The following GPATCH8 variants were observed in gnomAD, a reference collection of about 807,000 sequenced individuals.
GPATCH8 encodes G patch domain-containing protein 8.
In GPATCH8, 18 loss-of-function variants were observed where a neutral mutation model predicts 118.3. The observed-to-expected ratio is 0.15, with a 90% CI of 0.11 to 0.23. The LOEUF is 0.23. Among genes scored for constraint, GPATCH8 ranks in the 10% least tolerant of loss-of-function variants. The pLI is 1.00. For missense variants in GPATCH8, 1,631 were observed against 1,873.8 expected (o/e 0.87, Z 2.39); for synonymous variants, 659 against 684.7 (o/e 0.96, Z 0.59).
chr17:44,493,376 T>C (rs150475304), intron 1 of GPATCH8, among the ~76,000 whole-genome samples: 9 of 152,256 alleles, frequency 5.9e-5, no homozygotes, highest in Admixed American at 4.6e-4. Flanking sequence ...TGGTTTTTAA[T>C]ACTGAGATGT....
chr17:44,457,082 T>TG lies in GPATCH8; in HGVS notation c.193+7389dup, dbSNP rs2051363244. On this transcript the variant is annotated intron_variant, in intron 3 of 7. Transcript: ENST00000591680. Reference sequence around the variant, plus strand: ...TTCACCATGTTGGCCAGGCTGGTCTTGAACTCCTGACCTCAGGTGATCTGC... The same window carrying TG: ...TTCACCATGTTGGCCAGGCTGGTCTTGGAACTCCTGACCTCAGGTGATCTGC... Among the ~76,000 whole-genome samples, 3 of 152,134 alleles carry TG rather than the reference T, an allele frequency of 2.0e-5. No individual in the cohort carries two copies. In the South Asian group the frequency reaches 6.2e-4, roughly 32 times the overall value.
chr17:44,399,821 A>G lies in GPATCH8; in HGVS notation c.2256T>C (p.Asp752=), dbSNP rs3744426. The G allele has an allele frequency of 1.8e-3, 2,964 of 1,611,948 alleles. 44 individuals are homozygous for G. The East Asian group carries it at 0.042, about 23-fold the overall frequency. The part of the protein sequence containing the change: ...APPRRRRRAQ[D]DSQRRSLPAE... The stretch of plus-strand genomic sequence containing the variant: ...CTGGGAGGGATCTCCGCTGGGAGTC[A>G]TCTTGAGCTCTCCGCCTTCTTCTTG... Residue 752 remains aspartate (D), a synonymous_variant, in exon 8 of 8, where the codon GAT becomes GAC. Transcript: ENST00000591680.
At chr17:44,491,444 C>T (rs979502833) in intron 1 of GPATCH8, among the ~76,000 whole-genome samples, 5 of 147,664 alleles carry the variant, frequency 3.4e-5, no homozygotes, top group African/African-American at 5.0e-5. Context: ...GCCGAGATTG[C>T]GCCACTGCAC....
intron 6 of GPATCH8, among the ~76,000 whole-genome samples, chr17:44,410,988 C>A (rs545676668): frequency 6.6e-6 from 1 of 152,294 alleles, no homozygotes; most frequent in South Asian, 2.1e-4. Context: ...TTACTGTGGA[C>A]ACAAAGTATT....
chr17:44,451,511 T>C (rs1000904100), intron 3 of GPATCH8, among the ~76,000 whole-genome samples: 4 of 152,192 alleles, frequency 2.6e-5, no homozygotes, highest in African/African-American at 7.2e-5. Flanking sequence ...TACAGTCTAC[T>C]GAATTAGGTA....
rs187567430 is a variant in GPATCH8 at position 44,396,055 on chromosome 17, T to C, written c.*1513A>G. 6.1e-4 allele frequency: 277 copies of C among 454,570 alleles called. 1 individual carries two copies. Among genetic ancestry groups the C allele is most frequent in the African/African-American group, 5.0e-3 (250 of 50,118 alleles). 28.2% of individuals were successfully genotyped at this position (454,570 alleles called of 1,614,324 possible). On this transcript the variant is annotated 3_prime_UTR_variant, in exon 8 of 8. Coordinates refer to ENST00000591680, the MANE Select transcript of GPATCH8 (RefSeq NM_001002909.4). ...TGGAAACTATGAAGCAAAATATCTG[T>C]AAATGTGCTCACCTCCCAACAAAAG...
At chr17:44,431,961 G>A (rs1270996149) in intron 5 of GPATCH8, among the ~76,000 whole-genome samples, 2 of 151,766 alleles carry the variant, frequency 1.3e-5, no homozygotes, top group Non-Finnish European at 2.9e-5. Context: ...TGAAAAGGAA[G>A]CAGTCAGAGT....
At chr17:44,472,034 C>A (rs1031656062) in intron 2 of GPATCH8, among the ~76,000 whole-genome samples, 1 of 151,230 alleles carries the variant, frequency 6.6e-6, no homozygotes, top group Non-Finnish European at 1.5e-5. Flanking sequence ...AGATCCTGTG[C>A]CCTACTTCTA....
At chr17:44,488,083 C>T (rs566252623) in intron 1 of GPATCH8, among the ~76,000 whole-genome samples, 164 of 150,344 alleles carry the variant, frequency 1.1e-3, no homozygotes, top group Non-Finnish European at 1.7e-3. Context: ...CCACCACATC[C>T]GGGCTAATTT....
At chr17:44,448,714 G>C (rs1218158970) in intron 3 of GPATCH8, among the ~76,000 whole-genome samples, 3 of 150,984 alleles carry the variant, frequency 2.0e-5, no homozygotes, top group African/African-American at 7.3e-5. Flanking sequence ...AACTAACCTA[G>C]GTCCAAAAGT....
At chr17:44,434,818 G>A (rs891648255) in intron 5 of GPATCH8, among the ~76,000 whole-genome samples, 1 of 152,162 alleles carries the variant, frequency 6.6e-6, no homozygotes, top group African/African-American at 2.4e-5. Context: ...TATGTAACAG[G>A]CATTGTGTTT....
chr17:44,436,338 T>A, intron 4 of GPATCH8, 140 bp downstream of exon 4: 1 of 678,932 alleles, frequency 1.5e-6, no homozygotes, highest in Non-Finnish European at 2.7e-6. Flanking sequence ...AAATGTAAAA[T>A]ATATTTTTTA....
intron 2 of GPATCH8, among the ~76,000 whole-genome samples, chr17:44,471,319 TAATAC>T (rs1169798367): frequency 2.0e-5 from 3 of 152,234 alleles, no homozygotes; most frequent in Non-Finnish European, 4.4e-5. Context: ...ACTAAAAGCA[TAATAC>T]ATTATTGCAT....
chr17:44,480,127 AC>A (rs138034533), intron 1 of GPATCH8, among the ~76,000 whole-genome samples: 1,989 of 152,342 alleles, frequency 0.013, 45 homozygotes, highest in African/African-American at 0.045. Flanking sequence ...GGGGAAAAAA[AC>A]AACCCAATTT....
At chr17:44,484,949 C>T (rs747286176) in intron 1 of GPATCH8, among the ~76,000 whole-genome samples, 7 of 151,488 alleles carry the variant, frequency 4.6e-5, no homozygotes, top group Non-Finnish European at 1.0e-4. Context: ...AGTGCTGAGA[C>T]CACAGGCACA....
chr17:44,425,523 C>T (rs757854183), intron 5 of GPATCH8, among the ~76,000 whole-genome samples: 2 of 152,060 alleles, frequency 1.3e-5, no homozygotes, highest in South Asian at 2.1e-4. Flanking sequence ...TTGACAGTCC[C>T]GGACAGTTTC....
intron 5 of GPATCH8, among the ~76,000 whole-genome samples, chr17:44,430,800 G>A (rs985399239): frequency 7.5e-6 from 1 of 133,670 alleles, no homozygotes; most frequent in African/African-American, 2.6e-5. Context: ...ACAACACCAC[G>A]CCCAGCTTTT....
intron 5 of GPATCH8, among the ~76,000 whole-genome samples, chr17:44,430,040 C>T (rs576289499): frequency 1.3e-5 from 2 of 152,128 alleles, no homozygotes; most frequent in South Asian, 4.1e-4. Flanking sequence ...GCAAGACTGT[C>T]TCAAAACCAA....
chr17:44,424,139 A>C (rs1336866069), intron 6 of GPATCH8, among the ~76,000 whole-genome samples: 3 of 152,246 alleles, frequency 2.0e-5, no homozygotes, highest in Non-Finnish European at 4.4e-5. Context: ...CAATTTGTCA[A>C]ATAGTGTATA....
Sources: gnomAD v4.1 joint callset for allele counts (sites outside exome capture counted in the v4.1 genomes callset) on GRCh38, gnomAD v4.1.1 for gene constraint, MANE v1.5 for transcripts, NCBI Gene and HGNC (gene_info 2026-07-23, HGNC 2026-07-21) for gene names.